Variants in TMC6 observed in about 807,000 individuals in gnomAD.
The protein encoded by TMC6 is transmembrane channel-like protein 6.
Under a neutral mutation model 95.4 loss-of-function variants are expected in TMC6, and 71 were observed. The ratio of observed to expected loss-of-function variants is 0.74; its 90% CI spans 0.61 to 0.91. The LOEUF (loss-of-function observed/expected upper bound fraction) is 0.91. Among genes scored for constraint, TMC6 ranks in the 40% least tolerant of loss-of-function variants. The pLI, the probability that TMC6 is intolerant of heterozygous loss-of-function variation, is 0.00. For synonymous variants in TMC6, 514 were observed against 483.1 expected (o/e 1.06, Z -0.84); for missense variants, 1,074 against 1,079.1 (o/e 1.00, Z 0.07).
chr17:78,118,504 C>T (rs113943774), intron 15 of TMC6, among the ~76,000 whole-genome samples: 83 of 151,678 alleles, frequency 5.5e-4, no homozygotes, highest in Non-Finnish European at 1.0e-3. Flanking sequence ...TGCAGTGAGC[C>T]GAGATTGCGC....
chr17:78,113,482 C>T (rs544223326), intron 19 of TMC6, 66 bp downstream of exon 19: 32 of 1,565,364 alleles, frequency 2.0e-5, no homozygotes, highest in Non-Finnish European at 2.8e-5. Context: ...GGCAGCCCTA[C>T]TGTCCAGCCC....
In TMC6 at chr17:78,119,036, G is replaced by A. The variant is rs1279716714; in HGVS notation, c.1822C>T (p.Leu608Phe). ...YGQTLTWLGV[L>F]FSPLLPAVQI... Reference sequence around the variant, plus strand: ...ACGGCGGGGAGGAGGGGCGAGAAGAGCACCCCCAGCCTGGGGAGGGGGTGG... The same window carrying A: ...ACGGCGGGGAGGAGGGGCGAGAAGAACACCCCCAGCCTGGGGAGGGGGTGG... Residue 608 changes from leucine (L) to phenylalanine (F), a missense_variant, in exon 15 of 20, where the codon CTC becomes TTC. Leu to Phe is a conservative substitution (Grantham distance 22). Coordinates refer to ENST00000590602, the MANE Select transcript of TMC6 (RefSeq NM_001127198.5). 6.3e-7 allele frequency: 1 copy of A among 1,595,150 alleles called. No individual in the cohort carries two copies. Among genetic ancestry groups the A allele is most frequent in the Admixed American group, 1.7e-5 (1 of 57,478 alleles).
At position 78,119,053 on chromosome 17, in the gene TMC6, A is replaced by AG. The variant is rs1263991021; in HGVS notation, c.1812-8dup. On this transcript the variant is annotated splice_region_variant and splice_polypyrimidine_tract_variant and intron_variant, in intron 14 of 19. Coordinates refer to ENST00000590602, the MANE Select transcript of TMC6 (RefSeq NM_001127198.5). ...CGAGAAGAGCACCCCCAGCCTGGGG[A>AG]GGGGGTGGCAGTTCAGGGGCTGCTC... is the stretch of plus-strand genomic sequence containing the variant. The AG allele has an allele frequency of 7.0e-6, 11 of 1,574,112 alleles. No homozygotes were observed. The South Asian group carries it at 1.3e-4, about 18-fold the overall frequency.
rs758762407 is a variant in TMC6, at chr17:78,120,842, G to A, written c.1536-10C>T. ...CTTGAGGATGAGGTTCCTGCGGAGG[G>A]CGGGGTGCAAAGGCTGAGGGGCGGG... On this transcript the variant is annotated splice_polypyrimidine_tract_variant and intron_variant, in intron 12 of 19. Coordinates refer to ENST00000590602, the MANE Select transcript of TMC6 (RefSeq NM_001127198.5). The A allele has an allele frequency of 3.7e-6, 6 of 1,611,488 alleles. No individual in the cohort carries two copies. The highest frequency in any genetic ancestry group is 1.1e-5 in the South Asian group (1 of 91,074).
upstream of TMC6, chr17:78,131,649 C>A: frequency 3.8e-6 from 6 of 1,561,396 alleles, no homozygotes; most frequent in Non-Finnish European, 5.2e-6. Flanking sequence ...GCCGGAGGAG[C>A]TGTGGGAGGC....
chr17:78,125,614 A>G (rs2074669363), intron 5 of TMC6, 112 bp downstream of exon 5: 2 of 1,468,752 alleles, frequency 1.4e-6, no homozygotes, highest in African/African-American at 2.8e-5. Context: ...AAGGGATAGG[A>G]GAGGGGCCTC....
rs750626058 is a variant in TMC6, at chr17:78,109,697, C to A, written c.*3451G>T. 8 of 381,628 alleles carry A rather than the reference C, an allele frequency of 2.1e-5. No homozygotes were observed. The Admixed American group carries it at 2.1e-4, about 10-fold the overall frequency. The allele number at this position is 381,628 out of a possible 1,614,324, so 23.6% of individuals were successfully genotyped here. On this transcript the variant is annotated 3_prime_UTR_variant, in exon 20 of 20. Coordinates refer to ENST00000590602, the MANE Select transcript of TMC6 (RefSeq NM_001127198.5). Reference sequence around the variant, plus strand: ...CGTGAGTGCATGCATGCGTTTGTGACAGCCTGGTGCTCGGATGGGCCCAGA... The same window carrying A: ...CGTGAGTGCATGCATGCGTTTGTGAAAGCCTGGTGCTCGGATGGGCCCAGA...
In TMC6 at chr17:78,117,286, T is replaced by C. The variant is rs1043713745; in HGVS notation, c.2260A>G (p.Lys754Glu). ...RGQRKVICLLKEQISNEGEDK... is the reference protein window; with the variant it reads ...RGQRKVICLLEEQISNEGEDK... ...GCACTCACATTGCTGATCTGCTCCTTGAGCAGGCAGATGACCTTGCGCTGG... is the reference window on the plus strand; with the variant it reads ...GCACTCACATTGCTGATCTGCTCCTCGAGCAGGCAGATGACCTTGCGCTGG... The change falls in exon 18 of 20, where the codon AAG (lysine) becomes GAG (glutamate). Residue 754 changes from lysine to glutamate, a missense_variant. Physicochemically the swap from Lys to Glu is moderately conservative, Grantham distance 56. Coordinates refer to ENST00000590602, the MANE Select transcript of TMC6 (RefSeq NM_001127198.5). 6.2e-6 allele frequency: 10 copies of C among 1,613,206 alleles called. No homozygotes were observed. The African/African-American group carries it at 1.3e-4, about 22-fold the overall frequency.
In TMC6 at chr17:78,110,176, G is replaced by A. The variant is rs1298860009; in HGVS notation, c.*2972C>T. On this transcript the variant is annotated 3_prime_UTR_variant, in exon 20 of 20. Coordinates refer to ENST00000590602, the MANE Select transcript of TMC6 (RefSeq NM_001127198.5). ...CTCAGGCACCAGTGTTTTTTTGTTT[G>A]TTGGGACAGGGTCTTGCCATTGCCC... is the stretch of plus-strand genomic sequence containing the variant. 1.3e-5 allele frequency: 2 copies of A among 152,736 alleles called. No homozygotes were observed. Among genetic ancestry groups the A allele is most frequent in the African/African-American group, 4.8e-5 (2 of 41,306 alleles). The allele number at this position is 152,736 out of a possible 1,614,324, so 9.5% of individuals were successfully genotyped here.
chr17:78,131,448 G>T (rs1004184285), upstream of TMC6: 3 of 1,242,030 alleles, frequency 2.4e-6, no homozygotes, highest in South Asian at 1.3e-5. Context: ...CCCCGACGCC[G>T]GCGCAGAGGG....
Position 78,123,850 on chromosome 17 carries a change from T to C in TMC6, c.1082+139A>G. 3 of 1,164,300 alleles carry C rather than the reference T, an allele frequency of 2.6e-6. No individual in the cohort carries two copies. The South Asian group carries it at 3.9e-5, about 15-fold the overall frequency. 72.1% of individuals were successfully genotyped at this position (1,164,300 alleles called of 1,614,324 possible). A position where few individuals can be genotyped will look rare whatever the true frequency, so the allele number is the denominator to read the frequency against. On this transcript the variant is annotated intron_variant, in intron 9 of 19. Coordinates refer to ENST00000590602, the MANE Select transcript of TMC6 (RefSeq NM_001127198.5). ...GTAGATGGGTGGGTAAGTGGATAGTTGGATAGGTGAGTGGATGAGAGCAGA... is the reference window on the plus strand; with the variant it reads ...GTAGATGGGTGGGTAAGTGGATAGTCGGATAGGTGAGTGGATGAGAGCAGA...
chr17:78,123,601 G>GTGAATGGA lies in TMC6; in HGVS notation c.1082+380_1082+387dup, dbSNP rs1309987313. ...AATGTGTGAATGGATGGATGGGTGG[G>GTGAATGGA]TGAATGGATGAATGGGTGGATGGGT... is the stretch of plus-strand genomic sequence containing the variant. On this transcript the variant is annotated intron_variant, in intron 9 of 19. Coordinates refer to ENST00000590602, the MANE Select transcript of TMC6 (RefSeq NM_001127198.5). Among the ~76,000 whole-genome samples, 10 of 113,402 alleles carry GTGAATGGA rather than the reference G, an allele frequency of 8.8e-5. No individual in the cohort carries two copies. In the South Asian group the frequency reaches 2.9e-3, roughly 33 times the overall value. 74.4% of individuals were successfully genotyped at this position (113,402 alleles called of 152,430 possible). A position where few individuals can be genotyped will look rare whatever the true frequency, so the allele number is the denominator to read the frequency against.
intron 15 of TMC6, chr17:78,118,199 C>T: frequency 3.5e-6 from 2 of 572,276 alleles, no homozygotes; most frequent in South Asian, 4.0e-5. Flanking sequence ...ACACCACCTC[C>T]CTCAGTCCCC....
chr17:78,125,384 T>C, intron 5 of TMC6, 121 bp from the exon 6 acceptor site: 1 of 904,186 alleles, frequency 1.1e-6, no homozygotes, highest in Admixed American at 2.0e-5. Context: ...TCGGTGCCCT[T>C]ATTTGAGCTT....
At chr17:78,125,495 C>A (rs531340110) in intron 5 of TMC6, among the ~76,000 whole-genome samples, 1 of 152,272 alleles carries the variant, frequency 6.6e-6, no homozygotes, top group Non-Finnish European at 1.5e-5. Flanking sequence ...ACTCGGGGCC[C>A]AGGGCCACAG....
Position 78,109,206 on chromosome 17 carries a change from C to G in TMC6, c.*3942G>C. 2.9e-6 allele frequency: 1 copy of G among 341,976 alleles called. No homozygotes were observed. The highest frequency in any genetic ancestry group is 5.8e-6 in the Non-Finnish European group (1 of 171,822). The allele number at this position is 341,976 out of a possible 1,614,324, so 21.2% of individuals were successfully genotyped here. A position where few individuals can be genotyped will look rare whatever the true frequency, so the allele number is the denominator to read the frequency against. ...CCCAGCAGCTAGCAGTGTGGCGTGCCAAGAAGGCTGTTCCAATGGGGGAGA... is the reference window on the plus strand; with the variant it reads ...CCCAGCAGCTAGCAGTGTGGCGTGCGAAGAAGGCTGTTCCAATGGGGGAGA... On this transcript the variant is annotated 3_prime_UTR_variant, in exon 20 of 20. Coordinates refer to ENST00000590602, the MANE Select transcript of TMC6 (RefSeq NM_001127198.5).
Position 78,123,970 on chromosome 17 carries a change from C to A in TMC6, c.1082+19G>T. The A allele has an allele frequency of 6.2e-7, 1 of 1,613,458 alleles. No homozygotes were observed. The highest frequency in any genetic ancestry group is 8.5e-7 in the Non-Finnish European group (1 of 1,179,818). ...GATGAGTGGAGCTCGGAGCCTGGGTCATGAGGTGGAGGCATTACCTGTACA... is the reference window on the plus strand; with the variant it reads ...GATGAGTGGAGCTCGGAGCCTGGGTAATGAGGTGGAGGCATTACCTGTACA... On this transcript the variant is annotated intron_variant, in intron 9 of 19. Coordinates refer to ENST00000590602, the MANE Select transcript of TMC6 (RefSeq NM_001127198.5).
chr17:78,126,491 T>A (rs775177745), intron 3 of TMC6, 33 bp downstream of exon 3: 12 of 1,611,966 alleles, frequency 7.4e-6, no homozygotes, highest in Non-Finnish European at 8.5e-6. Flanking sequence ...CAAGTCTTGG[T>A]CCACACCACC....
chr17:78,118,094 G>A, intron 15 of TMC6, 159 bp from the exon 16 acceptor site: 1 of 1,326,260 alleles, frequency 7.5e-7, no homozygotes, highest in Non-Finnish European at 1.0e-6. Flanking sequence ...GAAGACAGAA[G>A]CCTGCCGGTC....
Sources: allele counts gnomAD v4.1 joint callset (sites outside exome capture counted in the v4.1 genomes callset), GRCh38; gene constraint gnomAD v4.1.1; transcripts MANE v1.5; gene names NCBI Gene and HGNC (gene_info 2026-07-23, HGNC 2026-07-21).